The following WNT7A variants were observed in gnomAD, a reference collection of about 807,000 sequenced individuals.
The protein encoded by WNT7A is Wnt family member 7A.
In WNT7A, 16 loss-of-function variants were observed where a neutral mutation model predicts 28.2. The observed-to-expected ratio is 0.57, with a 90% confidence interval of 0.38 to 0.86. The LOEUF (loss-of-function observed/expected upper bound fraction) is 0.86, where lower values mean the gene tolerates loss of function less well. WNT7A is among the 40% of genes least tolerant of loss of function. The pLI, the probability that WNT7A is intolerant of heterozygous loss-of-function variation, is 0.00. For missense variants in WNT7A, 411 were observed against 489.7 expected (o/e 0.84, Z 1.52); for synonymous variants, 190 against 195.9 (o/e 0.97, Z 0.25).
intron 3 of WNT7A, among the ~76,000 whole-genome samples, chr3:13,846,632 C>G (rs1473242037): frequency 1.3e-5 from 2 of 152,180 alleles, no homozygotes; most frequent in African/African-American, 4.8e-5. Context: ...ACCTGTACCA[C>G]CTGCTTTGAT....
chr3:13,871,816 G>A (rs924963562), intron 2 of WNT7A, among the ~76,000 whole-genome samples: 11 of 152,174 alleles, frequency 7.2e-5, no homozygotes, highest in Non-Finnish European at 1.3e-4. Flanking sequence ...ACCCAAAGTC[G>A]GATACTGTCC....
chr3:13,863,375 A>T (rs1694862633), intron 2 of WNT7A, among the ~76,000 whole-genome samples: 1 of 151,872 alleles, frequency 6.6e-6, no homozygotes, highest in Non-Finnish European at 1.5e-5. Context: ...TGAATGAATG[A>T]ATGAATGTGC....
At chr3:13,844,287 C>T (rs1387047898) in intron 3 of WNT7A, among the ~76,000 whole-genome samples, 1 of 152,152 alleles carries the variant, frequency 6.6e-6, no homozygotes, top group African/African-American at 2.4e-5. Context: ...TGACAATAGG[C>T]CCTTCCCTGT....
At chr3:13,855,022 C>A (rs377479041) in intron 2 of WNT7A, among the ~76,000 whole-genome samples, 35 of 152,352 alleles carry the variant, frequency 2.3e-4, no homozygotes, top group Middle Eastern at 3.4e-3. Flanking sequence ...CCTGGGGAGT[C>A]AACTGGGCAG....
intron 2 of WNT7A, among the ~76,000 whole-genome samples, chr3:13,870,766 C>T (rs759109958): frequency 3.3e-5 from 5 of 152,232 alleles, no homozygotes; most frequent in East Asian, 1.9e-4. Context: ...AAGGCCGTCC[C>T]GCTGCCCCAA....
chr3:13,848,247 CTT>C (rs992135400), intron 3 of WNT7A, among the ~76,000 whole-genome samples: 14 of 152,152 alleles, frequency 9.2e-5, no homozygotes, highest in Admixed American at 3.9e-4. Context: ...AGGTTAAACA[CTT>C]TTACTCTGTG....
intron 1 of WNT7A, among the ~76,000 whole-genome samples, chr3:13,878,178 C>G (rs1404811317): frequency 2.6e-5 from 4 of 152,238 alleles, no homozygotes; most frequent in Admixed American, 2.0e-4. Flanking sequence ...GGGGAGGCCG[C>G]GGCGCCGGCG....
At position 13,866,915 on chromosome 3, in the gene WNT7A, C is replaced by T. The variant is rs1215401249; in HGVS notation, c.298+8032G>A. Among the ~76,000 whole-genome samples, 3 of 151,932 alleles carry T rather than the reference C, an allele frequency of 2.0e-5. No homozygotes were observed. The South Asian group carries it at 6.2e-4, about 32-fold the overall frequency. On this transcript the variant is annotated intron_variant, in intron 2 of 3. Coordinates refer to ENST00000285018, the MANE Select transcript of WNT7A (RefSeq NM_004625.4). ...CCAGGCAACAAGTATCTGAAGATGG[C>T]GGTTTGAATCAGGAGGTGGTGGTGA...
intron 2 of WNT7A, among the ~76,000 whole-genome samples, chr3:13,855,924 T>C (rs1319652016): frequency 6.6e-6 from 1 of 152,148 alleles, no homozygotes; most frequent in Admixed American, 6.5e-5. Flanking sequence ...AGGAGGCAGA[T>C]GACTTGCTCC....
At chr3:13,844,458 C>T (rs552468939) in intron 3 of WNT7A, among the ~76,000 whole-genome samples, 2 of 152,198 alleles carry the variant, frequency 1.3e-5, no homozygotes, top group Non-Finnish European at 2.9e-5. Context: ...CCTGGGGAGG[C>T]CCTGAGACCC....
chr3:13,829,889 G>A (rs897999189), intron 3 of WNT7A, among the ~76,000 whole-genome samples: 4 of 152,064 alleles, frequency 2.6e-5, no homozygotes, highest in Non-Finnish European at 5.9e-5. Flanking sequence ...TGAAGCCCCA[G>A]CCCTTCATCC....
intron 2 of WNT7A, among the ~76,000 whole-genome samples, chr3:13,856,896 G>A (rs371712023): frequency 0.014 from 486 of 33,550 alleles, 7 homozygotes; most frequent in South Asian, 0.04. Flanking sequence ...AGAAGAAAAA[G>A]AAGAAGAAGA....
chr3:13,867,095 C>T (rs756515817), intron 2 of WNT7A, among the ~76,000 whole-genome samples: 3 of 152,052 alleles, frequency 2.0e-5, no homozygotes, highest in Admixed American at 6.6e-5. Context: ...CTCCTGGAAG[C>T]GGGCAGGGGA....
chr3:13,857,616 C>T (rs1694766762), intron 2 of WNT7A, among the ~76,000 whole-genome samples: 1 of 152,142 alleles, frequency 6.6e-6, no homozygotes, highest in South Asian at 2.1e-4. Context: ...TGGGAAGACT[C>T]ACCCCCGGTC....
At chr3:13,870,040 G>A (rs1359001677) in intron 2 of WNT7A, among the ~76,000 whole-genome samples, 1 of 151,984 alleles carries the variant, frequency 6.6e-6, no homozygotes, top group Non-Finnish European at 1.5e-5. Flanking sequence ...CCAGATCAAG[G>A]GCCATCTCCA....
chr3:13,877,911 G>A (rs1237966948), intron 1 of WNT7A, among the ~76,000 whole-genome samples: 2 of 152,252 alleles, frequency 1.3e-5, no homozygotes, highest in African/African-American at 2.4e-5. Context: ...AGCCAGAAGC[G>A]GGTAGAGCCG....
chr3:13,829,131 G>A (rs190221200), intron 3 of WNT7A, among the ~76,000 whole-genome samples: 3 of 152,246 alleles, frequency 2.0e-5, no homozygotes, highest in Admixed American at 1.3e-4. Flanking sequence ...TGGAGCTTAG[G>A]CAGTCATCTT....
chr3:13,844,510 C>T (rs1014175181), intron 3 of WNT7A, among the ~76,000 whole-genome samples: 2 of 152,162 alleles, frequency 1.3e-5, no homozygotes, highest in East Asian at 1.9e-4. Context: ...ATGCTGCTCA[C>T]GTTCACTGCC....
At chr3:13,873,006 ATT>A (rs35025829) in intron 2 of WNT7A, among the ~76,000 whole-genome samples, 1 of 109,354 alleles carries the variant, frequency 9.1e-6, no homozygotes, top group South Asian at 3.8e-4. Flanking sequence ...GGTCCCAGGA[ATT>A]TTGTGTGTGT....
Sources: gnomAD v4.1 joint callset for allele counts (sites outside exome capture counted in the v4.1 genomes callset) on GRCh38, gnomAD v4.1.1 for gene constraint, MANE v1.5 for transcripts, NCBI Gene and HGNC (gene_info 2026-07-23, HGNC 2026-07-21) for gene names.